ABI3BP: variants seen among roughly 807,000 people sequenced by gnomAD.
ABI3BP encodes the protein target of Nesh-SH3.
In ABI3BP, 216 loss-of-function variants were observed where a neutral mutation model predicts 268.6. The observed-to-expected ratio is 0.80, with a 90% CI of 0.72 to 0.90. The LOEUF is 0.90. ABI3BP is among the 40% of genes least tolerant of loss of function. ABI3BP has a pLI of 0.00. For missense variants in ABI3BP, 2,090 were observed against 2,182.4 expected (o/e 0.96, Z 0.84); for synonymous variants, 730 against 730.0 (o/e 1.00, Z 0.00).
intron 38 of ABI3BP, among the ~76,000 whole-genome samples, chr3:100,822,133 G>A (rs372305590): frequency 6.6e-6 from 1 of 152,100 alleles, no homozygotes; most frequent in Non-Finnish European, 1.5e-5. Flanking sequence ...CACAGATACT[G>A]CCCCATACCA....
intron 2 of ABI3BP, among the ~76,000 whole-genome samples, chr3:100,910,725 A>C (rs1025961209): frequency 1.3e-5 from 2 of 152,098 alleles, no homozygotes; most frequent in African/African-American, 4.8e-5. Flanking sequence ...TCCCTCAACA[A>C]CTTAGTGAAA....
At chr3:100,985,935 C>G (rs2091625542) in intron 1 of ABI3BP, among the ~76,000 whole-genome samples, 1 of 152,170 alleles carries the variant, frequency 6.6e-6, no homozygotes, top group Non-Finnish European at 1.5e-5. Context: ...TTGCTACCAG[C>G]CATTGAGCTC....
chr3:100,967,538 T>G (rs535625080), intron 1 of ABI3BP, among the ~76,000 whole-genome samples: 17 of 151,696 alleles, frequency 1.1e-4, no homozygotes, highest in Non-Finnish European at 2.2e-4. Context: ...TATTAGAGAT[T>G]GATGATGCTT....
At chr3:100,838,862 T>C (rs1306506593) in intron 24 of ABI3BP, among the ~76,000 whole-genome samples, 1 of 152,196 alleles carries the variant, frequency 6.6e-6, no homozygotes, top group African/African-American at 2.4e-5. Flanking sequence ...CATTTGAAAT[T>C]ACACATGAGA....
chr3:100,768,836 G>T lies in ABI3BP; in HGVS notation c.4741+1907C>A, dbSNP rs114783756. 3.4e-3 allele frequency among the ~76,000 whole-genome samples: 519 copies of T among 152,298 alleles called. 5 individuals carry two copies. Among genetic ancestry groups the T allele is most frequent in the Non-Finnish European group, 5.0e-3 (338 of 68,022 alleles). On this transcript the variant is annotated intron_variant, in intron 62 of 67. Transcript: ENST00000471714. ...TCTTGGACTATCAGATTATGATGCT[G>T]ATAACTAACAACTTGAAGTTGCCCA...
intron 7 of ABI3BP, 53 bp downstream of exon 7, chr3:100,876,459 C>T (rs2099161829): frequency 1.3e-6 from 2 of 1,483,064 alleles, no homozygotes; most frequent in Admixed American, 1.9e-5. Context: ...ATTACCTTAG[C>T]TAAAAGTATG....
chr3:100,943,607 T>C (rs2070607517), intron 1 of ABI3BP, among the ~76,000 whole-genome samples: 1 of 152,128 alleles, frequency 6.6e-6, no homozygotes, highest in South Asian at 2.1e-4. Context: ...TTTACTATCA[T>C]AGATTAGTTT....
At chr3:100,758,616 CATAG>C (rs1373722402) in intron 63 of ABI3BP, among the ~76,000 whole-genome samples, 2 of 152,206 alleles carry the variant, frequency 1.3e-5, no homozygotes, top group Non-Finnish European at 2.9e-5. Flanking sequence ...CTGCCATCAA[CATAG>C]ATCCACAGGC....
chr3:100,888,787 T>C (rs933994703), intron 4 of ABI3BP, among the ~76,000 whole-genome samples: 39 of 152,064 alleles, frequency 2.6e-4, no homozygotes, highest in African/African-American at 8.0e-4. Flanking sequence ...TTGTATATTA[T>C]AGGCAAATTC....
intron 8 of ABI3BP, 99 bp from the exon 9 acceptor site, chr3:100,875,032 C>A: frequency 1.6e-6 from 1 of 608,446 alleles, no homozygotes; most frequent in Non-Finnish European, 2.8e-6. Context: ...TGAAGCATAG[C>A]ACTTATTTTG....
chr3:100,819,537 A>G (rs1212790009), intron 40 of ABI3BP, among the ~76,000 whole-genome samples: 1 of 152,122 alleles, frequency 6.6e-6, no homozygotes, highest in African/African-American at 2.4e-5. Flanking sequence ...TGATAGCCTC[A>G]CAGTTGTTGA....
intron 32 of ABI3BP, 85 bp downstream of exon 32, chr3:100,830,493 C>T (rs981669596): frequency 1.1e-4 from 124 of 1,135,520 alleles, no homozygotes; most frequent in African/African-American, 5.4e-4. Context: ...CCTTGTGAAG[C>T]GGGAGAAGCT....
At chr3:100,966,390 C>G (rs1210793014) in intron 1 of ABI3BP, among the ~76,000 whole-genome samples, 1 of 152,178 alleles carries the variant, frequency 6.6e-6, no homozygotes, top group Non-Finnish European at 1.5e-5. Flanking sequence ...CAAACTATGG[C>G]CCATGGGCCA....
At chr3:100,869,493 T>C (rs2099090017) in intron 9 of ABI3BP, among the ~76,000 whole-genome samples, 1 of 151,822 alleles carries the variant, frequency 6.6e-6, no homozygotes, top group South Asian at 2.1e-4. Flanking sequence ...GCTGGGACTA[T>C]AAGCACGTGC....
chr3:100,855,547 A>G (rs1490974419), intron 14 of ABI3BP, among the ~76,000 whole-genome samples: 3 of 152,252 alleles, frequency 2.0e-5, no homozygotes, highest in Non-Finnish European at 4.4e-5. Flanking sequence ...TTAATCTGCA[A>G]GATGTCCATT....
chr3:100,792,188 C>T (rs968187303), intron 55 of ABI3BP, among the ~76,000 whole-genome samples: 10 of 151,866 alleles, frequency 6.6e-5, no homozygotes, highest in Admixed American at 6.6e-4. Context: ...AGTAGGAAAT[C>T]ACTTCTCTGG....
intron 14 of ABI3BP, among the ~76,000 whole-genome samples, chr3:100,853,876 A>T (rs907162326): frequency 1.3e-5 from 2 of 152,202 alleles, no homozygotes; most frequent in African/African-American, 4.8e-5. Context: ...GACAAAAATA[A>T]GACATTTGCC....
rs755161687 is a variant in ABI3BP at position 100,902,604 on chromosome 3, G to T, written c.328+14C>A. On this transcript the variant is annotated intron_variant, in intron 3 of 67. Transcript: ENST00000471714. ...GTTCATAAAAGAAAAAGAATTCAAT[G>T]CAAAGGACTATACCTGAACATGACT... The T allele has an allele frequency of 6.2e-7, 1 of 1,612,138 alleles. No homozygotes were observed.
intron 1 of ABI3BP, among the ~76,000 whole-genome samples, chr3:100,989,705 T>C (rs1423617150): frequency 6.6e-6 from 1 of 152,202 alleles, no homozygotes; most frequent in Non-Finnish European, 1.5e-5. Flanking sequence ...GGAGTTTCCA[T>C]GCAGAGGTGT....
Sources: gnomAD v4.1 joint callset for allele counts (sites outside exome capture counted in the v4.1 genomes callset) on GRCh38, gnomAD v4.1.1 for gene constraint, MANE v1.5 for transcripts, NCBI Gene and HGNC (gene_info 2026-07-23, HGNC 2026-07-21) for gene names.